MYO6: variants seen among roughly 807,000 people sequenced by gnomAD.
The protein encoded by MYO6 is myosin VI.
Under a neutral mutation model 178.7 loss-of-function variants are expected in MYO6, and 74 were observed. The observed-to-expected ratio is 0.41, with a 90% CI of 0.34 to 0.50. The LOEUF (loss-of-function observed/expected upper bound fraction) is 0.50, where lower values mean the gene tolerates loss of function less well. MYO6 is among the 20% of genes least tolerant of loss of function. The probability of loss-of-function intolerance (pLI) is 0.09; values close to 1 mark genes in which losing one functional copy is unlikely to be tolerated. For synonymous variants in MYO6, 477 were observed against 504.6 expected, an observed-to-expected ratio of 0.95 and a Z score of 0.73; for missense variants, 1,330 against 1,547.4, an observed-to-expected ratio of 0.86 and a Z score of 2.36.
In MYO6 at chr6:75,794,755, AAAAAAT is replaced by A. The variant is rs1172760206; in HGVS notation, c.-47-22741_-47-22736del. On this transcript the variant is annotated intron_variant, in intron 1 of 34. Coordinates refer to ENST00000369977, the MANE Select transcript of MYO6 (RefSeq NM_004999.4). Reference sequence around the variant, plus strand: ...GCAAAAAAAATAAAAAAAATAAAAAAAAAAATAAAATGTGCTCTTTTATCACCTAAT... The same window carrying A: ...GCAAAAAAAATAAAAAAAATAAAAAAAAAATGTGCTCTTTTATCACCTAAT... 8.8e-4 allele frequency among the ~76,000 whole-genome samples: 128 copies of A among 145,714 alleles called. 1 individual carries two copies. In the East Asian group the frequency reaches 0.013, roughly 15 times the overall value.
intron 1 of MYO6, among the ~76,000 whole-genome samples, chr6:75,764,400 T>G (rs1778220034): frequency 6.6e-6 from 1 of 152,140 alleles, no homozygotes; most frequent in Non-Finnish European, 1.5e-5. Context: ...GCACTTTTCT[T>G]TAGTCATTCT....
chr6:75,914,764 A>G (rs1489050243), intron 34 of MYO6, 49 bp from the exon 35 acceptor site: 1 of 1,561,050 alleles, frequency 6.4e-7, no homozygotes, highest in East Asian at 2.2e-5. Flanking sequence ...CTGGTAAGAA[A>G]TGGTCCTGAA....
intron 1 of MYO6, among the ~76,000 whole-genome samples, chr6:75,777,745 G>A (rs1766536359): frequency 6.6e-6 from 1 of 151,962 alleles, no homozygotes; most frequent in South Asian, 2.1e-4. Context: ...CCAAGTTTGT[G>A]ATTTTATATG....
intron 31 of MYO6, 93 bp from the exon 32 acceptor site, chr6:75,908,403 A>C (rs1187799013): frequency 2.5e-5 from 32 of 1,260,166 alleles, no homozygotes; most frequent in Non-Finnish European, 1.1e-6. Flanking sequence ...TAAAAATAAA[A>C]AAATCTCCTT....
chr6:75,875,542 C>T (rs940566671), intron 20 of MYO6, among the ~76,000 whole-genome samples: 11 of 152,224 alleles, frequency 7.2e-5, no homozygotes, highest in Non-Finnish European at 1.3e-4. Flanking sequence ...CTCCCTCAGC[C>T]TTCCAAAGTG....
Position 75,908,483 on chromosome 6 carries a change from A to G in MYO6, c.3281-13A>G, listed in dbSNP as rs1008277241. 3.7e-6 allele frequency: 6 copies of G among 1,610,790 alleles called. No individual in the cohort carries two copies. Among genetic ancestry groups the G allele is most frequent in the Non-Finnish European group, 5.1e-6 (6 of 1,178,516 alleles). ...CATGTCAATTTTTTTTTTTTGCTCA[A>G]TGTAATCAATAGATATTGAGCTCCT... is the stretch of plus-strand genomic sequence containing the variant. On this transcript the variant is annotated splice_polypyrimidine_tract_variant and intron_variant, in intron 31 of 34. Transcript: ENST00000369977.
intron 1 of MYO6, among the ~76,000 whole-genome samples, chr6:75,771,364 G>T (rs1765882053): frequency 6.6e-6 from 1 of 152,132 alleles, no homozygotes; most frequent in African/African-American, 2.4e-5. Flanking sequence ...CCACTAAATT[G>T]TGTGTATAGC....
chr6:75,840,863 C>A lies in MYO6; in HGVS notation c.651+181C>A, dbSNP rs556744155. On this transcript the variant is annotated intron_variant, in intron 8 of 34. Transcript: ENST00000369977. ...TAAAAGCTCCTTTCACAATCTAAAA[C>A]CCAGATGCTGAATTTGACTTCAGCA... Among the ~76,000 whole-genome samples, 4 of 152,246 alleles carry A rather than the reference C, an allele frequency of 2.6e-5. No individual in the cohort carries two copies. The South Asian group carries it at 8.3e-4, about 32-fold the overall frequency.
chr6:75,790,587 C>T (rs897937423), intron 1 of MYO6, among the ~76,000 whole-genome samples: 1 of 152,118 alleles, frequency 6.6e-6, no homozygotes, highest in African/African-American at 2.4e-5. Flanking sequence ...CCATGTTGGC[C>T]AGGCTGGTTT....
At chr6:75,800,180 C>A (rs180895111) in intron 1 of MYO6, among the ~76,000 whole-genome samples, 1 of 152,288 alleles carries the variant, frequency 6.6e-6, no homozygotes, top group Admixed American at 6.5e-5. Context: ...TCTCCCCAAA[C>A]AGTCCCGTAA....
At position 75,844,967 on chromosome 6, in the gene MYO6, A is replaced by G. The variant is rs1402918571; in HGVS notation, c.887A>G (p.Lys296Arg). ...GACAAACAGATTTTACAGAACCGCA[A>G]AAGTCCTGAGGTATAGTAGACCATT... The part of the protein sequence containing the change: ...ETDKQILQNR[K>R]SPEYLKAGSM... The change falls in exon 10 of 35, where the codon AAA becomes AGA. Residue 296 changes from lysine to arginine, a missense_variant. Physicochemically the swap from Lys to Arg is conservative, Grantham distance 26 (BLOSUM62 2). This residue lies in a region of MYO6 where 613 missense variants were observed against 816.8 expected (regional missense o/e 0.75). Transcript: ENST00000369977. The G allele has an allele frequency of 9.3e-6, 15 of 1,611,906 alleles. No homozygotes were observed. Among genetic ancestry groups the G allele is most frequent in the South Asian group, 3.3e-5 (3 of 91,016 alleles).
intron 7 of MYO6, among the ~76,000 whole-genome samples, chr6:75,839,679 T>G (rs1774021950): frequency 6.6e-6 from 1 of 152,204 alleles, no homozygotes; most frequent in Admixed American, 6.5e-5. Context: ...GATATGTGTA[T>G]AGGTGATTAT....
At chr6:75,768,817 T>A (rs1006306290) in intron 1 of MYO6, among the ~76,000 whole-genome samples, 1 of 152,178 alleles carries the variant, frequency 6.6e-6, no homozygotes. Context: ...GGTTTTTGTG[T>A]TGCTGTAAAG....
intron 15 of MYO6, among the ~76,000 whole-genome samples, chr6:75,861,656 C>T (rs1776224806): frequency 6.6e-6 from 1 of 152,138 alleles, no homozygotes; most frequent in South Asian, 2.1e-4. Context: ...TCTTTCCCAC[C>T]CCATCTCTAA....
intron 18 of MYO6, among the ~76,000 whole-genome samples, chr6:75,870,055 A>T (rs187692574): frequency 6.6e-6 from 1 of 152,182 alleles, no homozygotes; most frequent in Non-Finnish European, 1.5e-5. Context: ...TGGAGCTTGC[A>T]GTGAGCCTAG....
intron 25 of MYO6, among the ~76,000 whole-genome samples, chr6:75,888,403 T>C (rs947359445): frequency 6.6e-6 from 1 of 152,042 alleles, no homozygotes; most frequent in Admixed American, 6.6e-5. Flanking sequence ...TCACCTGAGC[T>C]CAGGAGTTAG....
chr6:75,772,086 A>G (rs1020176750), intron 1 of MYO6, among the ~76,000 whole-genome samples: 2 of 152,162 alleles, frequency 1.3e-5, no homozygotes, highest in African/African-American at 4.8e-5. Context: ...GTTGAAACTA[A>G]TACTGTTGAG....
At chr6:75,805,258 G>T (rs1048378901) in intron 1 of MYO6, among the ~76,000 whole-genome samples, 1 of 151,546 alleles carries the variant, frequency 6.6e-6, no homozygotes, top group African/African-American at 2.4e-5. Flanking sequence ...TCCTGCCTCG[G>T]CCTCCCAAAG....
At chr6:75,908,095 C>T (rs553564304) in intron 31 of MYO6, among the ~76,000 whole-genome samples, 1 of 152,218 alleles carries the variant, frequency 6.6e-6, no homozygotes, top group East Asian at 1.9e-4. Flanking sequence ...CTACACTTTC[C>T]TCCATTGAGT....
Sources: allele counts gnomAD v4.1 joint callset (sites outside exome capture counted in the v4.1 genomes callset), GRCh38; gene constraint gnomAD v4.1.1; regional missense constraint gnomAD v4.1.1; transcripts MANE v1.5; gene names NCBI Gene and HGNC (gene_info 2026-07-23, HGNC 2026-07-21).